Variants in RIMS2 observed in about 807,000 individuals in gnomAD.
RIMS2 encodes the protein regulating synaptic membrane exocytosis protein 2.
In RIMS2, 59 loss-of-function variants were observed where a neutral mutation model predicts 174.4. The observed-to-expected ratio is 0.34, with a 90% CI of 0.27 to 0.42. RIMS2 has a LOEUF of 0.42. Among genes scored for constraint, RIMS2 ranks in the 10% least tolerant of loss-of-function variants. The pLI is 1.00. For synonymous variants in RIMS2, 606 were observed against 572.5 expected, an observed-to-expected ratio of 1.06 and a Z score of -0.84; for missense variants, 1,620 against 1,666.3, an observed-to-expected ratio of 0.97 and a Z score of 0.48.
At chr8:103,822,328 T>A (rs1350586017) in intron 3 of RIMS2, among the ~76,000 whole-genome samples, 2 of 151,746 alleles carry the variant, frequency 1.3e-5, no homozygotes, top group African/African-American at 4.8e-5. Context: ...CAATAAAACA[T>A]TAAATGATGA....
chr8:104,170,802 T>A (rs2098827720), intron 19 of RIMS2, among the ~76,000 whole-genome samples: 1 of 152,122 alleles, frequency 6.6e-6, no homozygotes, highest in Admixed American at 6.5e-5. Flanking sequence ...GCTGAGGTTT[T>A]GTTTCAATGT....
rs536947357 is a variant in RIMS2 at position 104,026,525 on chromosome 8, T to A, written c.3334+11910T>A. Among the ~76,000 whole-genome samples, 9 of 151,984 alleles carry A rather than the reference T, an allele frequency of 5.9e-5. No individual in the cohort carries two copies. In the South Asian group the frequency reaches 1.0e-3, roughly 18 times the overall value. On this transcript the variant is annotated intron_variant, in intron 19 of 23. Coordinates refer to ENST00000504942, the Ensembl canonical transcript of RIMS2. ...CCGTATCACCTATTAAAAAGTCAGA[T>A]CCCTGAAAATACACAATGAGATGGA...
intron 1 of RIMS2, among the ~76,000 whole-genome samples, chr8:103,518,876 T>C (rs1392691892): frequency 6.6e-6 from 1 of 152,096 alleles, no homozygotes; most frequent in Non-Finnish European, 1.5e-5. Context: ...GTGTCTCTAT[T>C]CTGGGTTTGT....
intron 1 of RIMS2, among the ~76,000 whole-genome samples, chr8:103,649,635 A>G (rs1440905545): frequency 6.9e-6 from 1 of 145,692 alleles, no homozygotes; most frequent in Non-Finnish European, 1.5e-5. Context: ...GGTTTTGTTC[A>G]TGCCTTTTCA....
exon 6 of RIMS2, chr8:103,912,085 A>G: frequency 2.5e-6 from 4 of 1,603,436 alleles, no homozygotes; most frequent in Non-Finnish European, 3.4e-6. Context: ...CTAAAGATGG[A>G]GATCGTTTAA....
intron 4 of RIMS2, among the ~76,000 whole-genome samples, chr8:103,890,873 G>C (rs1035334385): frequency 6.6e-6 from 1 of 151,866 alleles, no homozygotes; most frequent in African/African-American, 2.4e-5. Context: ...GTAGTCTATA[G>C]CAGGTTTCTC....
At chr8:104,116,335 A>G (rs769099582) in intron 19 of RIMS2, among the ~76,000 whole-genome samples, 1 of 152,220 alleles carries the variant, frequency 6.6e-6, no homozygotes, top group Non-Finnish European at 1.5e-5. Flanking sequence ...GAAAAGAAAT[A>G]TTGTAATGGA....
intron 17 of RIMS2, among the ~76,000 whole-genome samples, chr8:103,995,578 A>G (rs2095040731): frequency 6.6e-6 from 1 of 152,220 alleles, no homozygotes; most frequent in East Asian, 1.9e-4. Context: ...TGTTGTACCT[A>G]GATAAGAGGT....
intron 16 of RIMS2, among the ~76,000 whole-genome samples, chr8:103,988,259 T>C (rs913101560): frequency 6.6e-6 from 1 of 152,146 alleles, no homozygotes; most frequent in African/African-American, 2.4e-5. Context: ...ACTTGACATA[T>C]GATGATAAAG....
At position 103,884,140 on chromosome 8, in the gene RIMS2, C is replaced by G. The variant is rs141944304; in HGVS notation, c.699-1158C>G. On this transcript the variant is annotated intron_variant, in intron 3 of 23. Transcript: ENST00000504942. ...TATGAGGGGAAAAGGGATTCTGTGA[C>G]CCGGGGGAGATATTAGAGAAGAGTG... 1.4e-3 allele frequency among the ~76,000 whole-genome samples: 219 copies of G among 151,896 alleles called. 3 individuals are homozygous for G. The East Asian group carries it at 0.04, about 28-fold the overall frequency.
intron 1 of RIMS2, among the ~76,000 whole-genome samples, chr8:103,590,147 T>A (rs146657832): frequency 3.0e-4 from 46 of 151,590 alleles, no homozygotes; most frequent in African/African-American, 1.1e-3. Flanking sequence ...CTTCAGGATG[T>A]GCTTATTTCA....
chr8:104,223,378 C>T (rs112043113), intron 19 of RIMS2: 3 of 1,219,954 alleles, frequency 2.5e-6, no homozygotes, highest in Non-Finnish European at 3.1e-6. Context: ...CCCTCCCGGG[C>T]GAGACCTCGG....
intron 2 of RIMS2, 140 bp downstream of exon 4, chr8:103,697,436 C>T (rs998678178): frequency 9.7e-6 from 7 of 718,022 alleles, no homozygotes; most frequent in South Asian, 6.9e-5. Context: ...TGGCCAGACA[C>T]GATGGCTCAC....
At chr8:103,975,563 G>A in intron 16 of RIMS2, 57 bp downstream of exon 18, 1 of 1,291,950 alleles carries the variant, frequency 7.7e-7, no homozygotes, top group South Asian at 1.2e-5. Context: ...GTGTTCTCCA[G>A]AGGGACAAAA....
intron 1 of RIMS2, among the ~76,000 whole-genome samples, chr8:103,696,862 C>CA (rs55852238): frequency 0.12 from 6,469 of 52,978 alleles, 454 homozygotes; most frequent in Middle Eastern, 0.16. Context: ...GACTTCGTCT[C>CA]AAAAAAAAAA....
At chr8:103,634,918 T>C (rs1023634018) in intron 1 of RIMS2, among the ~76,000 whole-genome samples, 2 of 152,166 alleles carry the variant, frequency 1.3e-5, no homozygotes, top group African/African-American at 4.8e-5. Flanking sequence ...AGTGTCATTA[T>C]GTGTGAGATG....
At chr8:104,122,762 T>C (rs1212760890) in intron 19 of RIMS2, among the ~76,000 whole-genome samples, 1 of 152,180 alleles carries the variant, frequency 6.6e-6, no homozygotes, top group Non-Finnish European at 1.5e-5. Flanking sequence ...AACTTCAGCT[T>C]TTAAAATAAT....
chr8:103,660,060 C>G (rs536295574), intron 1 of RIMS2, among the ~76,000 whole-genome samples: 35 of 152,326 alleles, frequency 2.3e-4, no homozygotes, highest in African/African-American at 7.2e-4. Flanking sequence ...CAATTGCTCC[C>G]TGGGCTCCAT....
chr8:103,907,421 A>C (rs1182025491), intron 4 of RIMS2, among the ~76,000 whole-genome samples: 1 of 152,010 alleles, frequency 6.6e-6, no homozygotes, highest in African/African-American at 2.4e-5. Context: ...TCACCTCCTC[A>C]TCTTATTTGA....
Sources: allele counts gnomAD v4.1 joint callset (sites outside exome capture counted in the v4.1 genomes callset), GRCh38; gene constraint gnomAD v4.1.1; transcripts MANE v1.5; gene names NCBI Gene and HGNC (gene_info 2026-07-23, HGNC 2026-07-21).